RRP1B: variants seen among roughly 807,000 people sequenced by gnomAD.
RRP1B encodes ribosomal RNA processing 1B.
RRP1B carries 56 observed loss-of-function variants against 80.2 expected under a neutral mutation model. The observed-to-expected ratio is 0.70, with a 90% confidence interval of 0.56 to 0.87. The LOEUF (loss-of-function observed/expected upper bound fraction) is 0.87, where lower values mean the gene tolerates loss of function less well. RRP1B is among the 40% of genes least tolerant of loss of function. The pLI, the probability that RRP1B is intolerant of heterozygous loss-of-function variation, is 0.00. For synonymous variants in RRP1B, 351 were observed against 357.6 expected (o/e 0.98, Z 0.21); for missense variants, 807 against 939.8 (o/e 0.86, Z 1.85).
chr21:43,684,424 C>A, intron 9 of RRP1B, 129 bp from the exon 10 acceptor site: 2 of 777,734 alleles, frequency 2.6e-6, no homozygotes, highest in Non-Finnish European at 4.4e-6. Context: ...CAAGTCCCAG[C>A]ACAAGCTTGT....
chr21:43,682,711 G>C (rs1283914740), intron 8 of RRP1B, among the ~76,000 whole-genome samples: 1 of 152,234 alleles, frequency 6.6e-6, no homozygotes, highest in Non-Finnish European at 1.5e-5. Context: ...ACGTGTGGGG[G>C]AGGAAATCAT....
At chr21:43,673,838 G>A (rs1473284583) in intron 3 of RRP1B, 32 bp from the exon 4 acceptor site, 2 of 1,482,076 alleles carry the variant, frequency 1.3e-6, no homozygotes, top group Admixed American at 1.7e-5. Context: ...TGATGTGGAA[G>A]CCAAGTATTT....
chr21:43,684,135 G>A (rs138372646), intron 9 of RRP1B, among the ~76,000 whole-genome samples: 1,933 of 147,990 alleles, frequency 0.013, 44 homozygotes, highest in African/African-American at 0.045. Context: ...GCGGTGGCTC[G>A]ATCTCGGCTC....
intron 13 of RRP1B, 30 bp downstream of exon 13, chr21:43,688,270 G>A (rs373101853): frequency 1.9e-4 from 289 of 1,492,448 alleles, no homozygotes; most frequent in Non-Finnish European, 2.4e-4. Flanking sequence ...AGGCCAGCTC[G>A]CCACAGAGGC....
chr21:43,694,338 T>G lies in RRP1B; in HGVS notation c.*955T>G, dbSNP rs945398391. On this transcript the variant is annotated 3_prime_UTR_variant, in exon 16 of 16. Coordinates refer to ENST00000340648, the MANE Select transcript of RRP1B (RefSeq NM_015056.3). Reference sequence around the variant, plus strand: ...TCCTCTCAAATGCGGAAGCGTGCACTTACAGTTCAGACCGTTCTCCTGTAA... The same window carrying G: ...TCCTCTCAAATGCGGAAGCGTGCACGTACAGTTCAGACCGTTCTCCTGTAA... 6.6e-6 allele frequency: 1 copy of G among 152,262 alleles called. No homozygotes were observed. Among genetic ancestry groups the G allele is most frequent in the Non-Finnish European group, 1.5e-5 (1 of 68,058 alleles). 9.4% of individuals were successfully genotyped at this position (152,262 alleles called of 1,614,324 possible).
chr21:43,691,568 A>G lies in RRP1B; in HGVS notation c.2083+66A>G. The G allele has an allele frequency of 6.9e-7, 1 of 1,452,836 alleles. No individual in the cohort carries two copies. The highest frequency in any genetic ancestry group is 1.7e-5 in the Admixed American group (1 of 59,156). 90.0% of individuals were successfully genotyped at this position (1,452,836 alleles called of 1,614,324 possible). A position where few individuals can be genotyped will look rare whatever the true frequency, so the allele number is the denominator to read the frequency against. On this transcript the variant is annotated intron_variant, in intron 15 of 15. Coordinates refer to ENST00000340648, the MANE Select transcript of RRP1B (RefSeq NM_015056.3). The surrounding 1 kb of genome is among the most constrained non-coding windows in gnomAD (Gnocchi z 4.2). The stretch of plus-strand genomic sequence containing the variant: ...AGCTGCAGCTCCTGGCGCGGCTCGC[A>G]GCCTGGTTCCACAAGGCGGTCGGGG...
At position 43,687,576 on chromosome 21, in the gene RRP1B, GGAA is replaced by G. The variant is rs750100967; in HGVS notation, c.1216_1218del (p.Lys406del). ...GAAAGCAGTCTTCAAAAGAGAAGAA[GGAA>G]GAAGAAGAAGAAGCACCACCTGCAG... On this transcript the variant is annotated inframe_deletion, in exon 13 of 16. Coordinates refer to ENST00000340648, the MANE Select transcript of RRP1B (RefSeq NM_015056.3). 7.8e-5 allele frequency: 117 copies of G among 1,506,856 alleles called. No homozygotes were observed. Among genetic ancestry groups the G allele is most frequent in the Non-Finnish European group, 8.1e-5 (92 of 1,135,194 alleles). The allele number at this position is 1,506,856 out of a possible 1,614,324, so 93.3% of individuals were successfully genotyped here. A position where few individuals can be genotyped will look rare whatever the true frequency, so the allele number is the denominator to read the frequency against.
At chr21:43,675,215 G>A (rs558693250) in intron 6 of RRP1B, 52 bp downstream of exon 6, 20 of 1,588,408 alleles carry the variant, frequency 1.3e-5, no homozygotes, top group Admixed American at 5.1e-5. Context: ...GCCAGTGTTC[G>A]CAGTAGTCGC....
chr21:43,675,530 CAT>C (rs1380822470), intron 6 of RRP1B, among the ~76,000 whole-genome samples: 5 of 152,310 alleles, frequency 3.3e-5, no homozygotes, highest in East Asian at 1.9e-4. Context: ...GGAAAGGAAA[CAT>C]ACATTTTTTA....
chr21:43,661,441 C>T (rs1046989403), intron 1 of RRP1B, among the ~76,000 whole-genome samples: 1 of 152,212 alleles, frequency 6.6e-6, no homozygotes, highest in South Asian at 2.1e-4. Context: ...AGATTCCAGC[C>T]GGACACACGG....
intron 5 of RRP1B, 141 bp downstream of exon 5, chr21:43,674,838 A>G (rs2083015206): frequency 1.3e-5 from 13 of 1,029,204 alleles, no homozygotes; most frequent in Non-Finnish European, 1.9e-5. Context: ...AGTAGAAGGC[A>G]TAAAACAGTT....
At chr21:43,686,969 C>G (rs768072845) in intron 12 of RRP1B, 34 bp downstream of exon 12, 7 of 1,606,430 alleles carry the variant, frequency 4.4e-6, no homozygotes, top group Non-Finnish European at 5.9e-6. Flanking sequence ...GGGCACGACT[C>G]AGCCCTTGGG....
intron 1 of RRP1B, 99 bp from the exon 2 acceptor site, chr21:43,669,785 C>T (rs1019773787): frequency 2.3e-5 from 18 of 787,032 alleles, no homozygotes; most frequent in Admixed American, 7.7e-5. Flanking sequence ...GACGTGCAAA[C>T]GAAAGAGAAT....
intron 1 of RRP1B, among the ~76,000 whole-genome samples, chr21:43,661,288 C>A (rs1401651324): frequency 6.6e-6 from 1 of 152,182 alleles, no homozygotes; most frequent in Non-Finnish European, 1.5e-5. Context: ...ATGTGCCTTG[C>A]TAGCCTGGCT....
intron 13 of RRP1B, among the ~76,000 whole-genome samples, chr21:43,689,667 G>A (rs1240000823): frequency 2.0e-5 from 3 of 152,216 alleles, no homozygotes. Context: ...CAGGGTCAAG[G>A]GAAGCTTTCC....
At chr21:43,675,223 C>A (rs577675259) in intron 6 of RRP1B, 60 bp downstream of exon 6, 32 of 1,572,652 alleles carry the variant, frequency 2.0e-5, no homozygotes, top group Non-Finnish European at 2.5e-5. Flanking sequence ...TCGCAGTAGT[C>A]GCCAGTGAAG....
intron 2 of RRP1B, among the ~76,000 whole-genome samples, chr21:43,670,608 A>G (rs2082995744): frequency 1.3e-5 from 2 of 152,250 alleles, no homozygotes; most frequent in Non-Finnish European, 2.9e-5. Flanking sequence ...ACCCACAGCC[A>G]CATGTGGCCC....
intron 8 of RRP1B, 32 bp downstream of exon 8, chr21:43,676,946 C>G: frequency 6.3e-7 from 1 of 1,598,562 alleles, no homozygotes; most frequent in Non-Finnish European, 8.5e-7. Context: ...GTGTAGCTTT[C>G]TTTCTGCTAA....
intron 9 of RRP1B, among the ~76,000 whole-genome samples, chr21:43,684,186 C>T (rs1255043484): frequency 6.6e-6 from 1 of 151,322 alleles, no homozygotes; most frequent in Non-Finnish European, 1.5e-5. Context: ...ATTCTCCTGC[C>T]TCAGCCTCCC....
Sources: allele counts gnomAD v4.1 joint callset (sites outside exome capture counted in the v4.1 genomes callset), GRCh38; gene constraint gnomAD v4.1.1; non-coding constraint Gnocchi (gnomAD v3.1); transcripts MANE v1.5; gene names NCBI Gene and HGNC (gene_info 2026-07-23, HGNC 2026-07-21).